SLMAP: variants seen among roughly 807,000 people sequenced by gnomAD.
SLMAP encodes the protein sarcolemma associated protein, also known as sarcolemmal membrane-associated protein.
SLMAP carries 44 observed loss-of-function variants against 128.8 expected under a neutral mutation model. The ratio of observed to expected loss-of-function variants is 0.34; its 90% CI spans 0.27 to 0.44. The LOEUF (loss-of-function observed/expected upper bound fraction) is 0.44. Among genes scored for constraint, SLMAP ranks in the 20% least tolerant of loss-of-function variants. The probability of loss-of-function intolerance (pLI) is 1.00; values close to 1 mark genes in which losing one functional copy is unlikely to be tolerated. For missense variants in SLMAP, 787 were observed against 985.3 expected, an observed-to-expected ratio of 0.80 and a Z score of 2.69; for synonymous variants, 327 against 348.8, an observed-to-expected ratio of 0.94 and a Z score of 0.70.
At chr3:57,837,605 G>A (rs1489723840) in intron 3 of SLMAP, among the ~76,000 whole-genome samples, 2 of 152,076 alleles carry the variant, frequency 1.3e-5, no homozygotes, top group Non-Finnish European at 2.9e-5. Context: ...TCCTGACCTC[G>A]TGATCTGCCT....
chr3:57,925,727 T>C lies in SLMAP; in HGVS notation c.2446-118T>C, dbSNP rs1255714043. On this transcript the variant is annotated intron_variant, in intron 23 of 24. Transcript: ENST00000671191. The stretch of plus-strand genomic sequence containing the variant: ...TGTTTGAATCTGTGTAAAACCTGAG[T>C]GGTATACTTCTATTATTTCATTCTT... The C allele has an allele frequency of 2.5e-5, 17 of 682,536 alleles. No homozygotes were observed. In the Admixed American group the frequency reaches 4.2e-4, roughly 17 times the overall value. 42.3% of individuals were successfully genotyped at this position (682,536 alleles called of 1,614,324 possible).
At chr3:57,877,212 T>C (rs990245221) in intron 14 of SLMAP, among the ~76,000 whole-genome samples, 3 of 152,180 alleles carry the variant, frequency 2.0e-5, no homozygotes, top group Admixed American at 1.3e-4. Context: ...TAGGAAAAAT[T>C]ATAGTCACTA....
At chr3:57,790,152 T>C (rs909875304) in intron 2 of SLMAP, among the ~76,000 whole-genome samples, 8 of 152,176 alleles carry the variant, frequency 5.3e-5, no homozygotes, top group African/African-American at 1.7e-4. Flanking sequence ...TGTTCTGAGT[T>C]CTTAAAGCCA....
intron 2 of SLMAP, among the ~76,000 whole-genome samples, chr3:57,768,834 C>A (rs1337074904): frequency 6.6e-6 from 1 of 152,134 alleles, no homozygotes. Flanking sequence ...TGAGGTCCCC[C>A]TGAAGTTAGG....
intron 22 of SLMAP, 28 bp downstream of exon 22, chr3:57,917,105 A>G (rs775560796): frequency 1.2e-5 from 20 of 1,612,938 alleles, no homozygotes; most frequent in Non-Finnish European, 1.4e-5. Flanking sequence ...TATGAGCCCA[A>G]TTATGGTTGG....
Position 57,849,769 on chromosome 3 carries a change from C to T in SLMAP, c.472C>T (p.Pro158Ser). The stretch of plus-strand genomic sequence containing the variant: ...TTGTTTCTAGGTTGCTGCTAACACT[C>T]CAAGTATGTACTCTCAGGAACTATT... The part of the protein sequence containing the change: ...SPVDKVAANT[P>S]SMYSQELFQL... The change falls in exon 6 of 25, where the codon CCA becomes TCA. Residue 158 changes from proline (P) to serine (S), a missense_variant. By Grantham distance (74) the Pro-to-Ser change is moderately conservative. Coordinates refer to ENST00000671191, the MANE Select transcript of SLMAP (RefSeq NM_001377540.1). The T allele has an allele frequency of 6.4e-7, 1 of 1,572,606 alleles. No homozygotes were observed. Among genetic ancestry groups the T allele is most frequent in the Non-Finnish European group, 8.8e-7 (1 of 1,142,238 alleles).
chr3:57,905,759 T>G (rs571549933), intron 17 of SLMAP, among the ~76,000 whole-genome samples: 37 of 152,212 alleles, frequency 2.4e-4, no homozygotes, highest in Non-Finnish European at 4.6e-4. Context: ...ATAAAATTTT[T>G]TTTGATTATC....
chr3:57,862,304 C>T (rs900039231), intron 10 of SLMAP, among the ~76,000 whole-genome samples: 4 of 150,634 alleles, frequency 2.7e-5, no homozygotes, highest in South Asian at 2.1e-4. Flanking sequence ...GGCGACAGAG[C>T]GATACTCCAT....
intron 2 of SLMAP, among the ~76,000 whole-genome samples, chr3:57,793,072 G>A (rs2085889896): frequency 6.6e-6 from 1 of 151,980 alleles, no homozygotes; most frequent in Non-Finnish European, 1.5e-5. Context: ...CCAGGAGGCC[G>A]AAGTTGCAGT....
At chr3:57,856,724 G>A (rs1281027029) in intron 6 of SLMAP, among the ~76,000 whole-genome samples, 1 of 152,064 alleles carries the variant, frequency 6.6e-6, no homozygotes, top group Non-Finnish European at 1.5e-5. Flanking sequence ...AAAAAGTATA[G>A]TACATGCATA....
intron 14 of SLMAP, among the ~76,000 whole-genome samples, chr3:57,873,726 G>T (rs1265599170): frequency 1.3e-5 from 2 of 152,070 alleles, no homozygotes; most frequent in Non-Finnish European, 2.9e-5. Context: ...CTGTAATCCT[G>T]CTCTTTCATG....
At chr3:57,901,927 G>T (rs1172315773) in intron 17 of SLMAP, 2 of 152,188 alleles carry the variant, frequency 1.3e-5, no homozygotes, top group Non-Finnish European at 2.9e-5. Context: ...CAGCTACTTG[G>T]GAGGCTGAGG....
chr3:57,769,662 G>A (rs2080435066), intron 2 of SLMAP, among the ~76,000 whole-genome samples: 1 of 152,184 alleles, frequency 6.6e-6, no homozygotes, highest in Non-Finnish European at 1.5e-5. Context: ...CTTAGTGAAA[G>A]CAGCTTGGGA....
chr3:57,794,398 T>A (rs2086227008), intron 2 of SLMAP, among the ~76,000 whole-genome samples: 1 of 152,208 alleles, frequency 6.6e-6, no homozygotes, highest in Admixed American at 6.5e-5. Flanking sequence ...TTAACACTTA[T>A]AAGCACTTCG....
chr3:57,841,159 A>G, intron 3 of SLMAP, 140 bp from the exon 4 acceptor site: 1 of 502,490 alleles, frequency 2.0e-6, no homozygotes. Flanking sequence ...CCAGGGTAAT[A>G]ATGTCATTAA....
At chr3:57,923,973 A>G (rs1393427086) in intron 23 of SLMAP, among the ~76,000 whole-genome samples, 1 of 152,224 alleles carries the variant, frequency 6.6e-6, no homozygotes, top group Admixed American at 6.5e-5. Context: ...ATGCTAAGGA[A>G]AAATGGTTTG....
chr3:57,780,342 G>A (rs1048465989), intron 2 of SLMAP, among the ~76,000 whole-genome samples: 3 of 151,994 alleles, frequency 2.0e-5, no homozygotes, highest in South Asian at 2.1e-4. Context: ...ACAGGATCTC[G>A]CCAGGTTGCC....
chr3:57,843,895 C>G (rs1337126774), intron 4 of SLMAP, among the ~76,000 whole-genome samples: 2 of 149,424 alleles, frequency 1.3e-5, no homozygotes, highest in East Asian at 4.1e-4. Flanking sequence ...ATTCTCCTAC[C>G]TCAACCTCCC....
At chr3:57,795,942 C>A (rs997539565) in intron 2 of SLMAP, among the ~76,000 whole-genome samples, 4 of 152,014 alleles carry the variant, frequency 2.6e-5, no homozygotes, top group African/African-American at 9.7e-5. Context: ...CTGATAGTAT[C>A]TTTTAAAGTG....
Sources: gnomAD v4.1 joint callset for allele counts (sites outside exome capture counted in the v4.1 genomes callset) on GRCh38, gnomAD v4.1.1 for gene constraint, MANE v1.5 for transcripts, NCBI Gene and HGNC (gene_info 2026-07-23, HGNC 2026-07-21) for gene names.